Variants in PIPOX observed in about 807,000 individuals in gnomAD.
PIPOX encodes the protein pipecolic acid and sarcosine oxidase.
Under a neutral mutation model 47.9 loss-of-function variants are expected in PIPOX, and 45 were observed. The observed-to-expected ratio is 0.94, with a 90% CI of 0.74 to 1.20. PIPOX has a LOEUF of 1.20. Ranked by LOEUF, PIPOX falls within the 50% of genes most tolerant of loss-of-function variation. The probability of loss-of-function intolerance (pLI) is 0.00; values close to 1 mark genes in which losing one functional copy is unlikely to be tolerated. For missense variants in PIPOX, 458 were observed against 498.4 expected (o/e 0.92, Z 0.77); for synonymous variants, 165 against 191.3 (o/e 0.86, Z 1.13).
Position 29,054,666 on chromosome 17 carries a change from C to T in PIPOX, c.782C>T (p.Thr261Ile). Residue 261 changes from threonine to isoleucine, a missense_variant, in exon 5 of 8, where the codon ACA (threonine) becomes ATA (isoleucine). Physicochemically the swap from Thr to Ile is moderately conservative, Grantham distance 89. Transcript: ENST00000323372. ...LCPHHIYGLP[T>I]GEYPGLMKVS... is the part of the protein sequence containing the mutation. ...CCCCACCACATCTACGGACTGCCCA[C>T]AGGAGAGTACCCAGGGCTGATGAAG... 6.2e-7 allele frequency: 1 copy of T among 1,614,156 alleles called. No homozygotes were observed. The highest frequency in any genetic ancestry group is 8.5e-7 in the Non-Finnish European group (1 of 1,180,032).
At chr17:29,045,482 C>G (rs2065782265) in intron 2 of PIPOX, among the ~76,000 whole-genome samples, 1 of 129,182 alleles carries the variant, frequency 7.7e-6, no homozygotes, top group African/African-American at 2.9e-5. Context: ...GCCATCTTGG[C>G]TCACTGCAAC....
chr17:29,055,041 T>A, intron 5 of PIPOX, 22 bp from the exon 6 acceptor site: 1 of 1,613,926 alleles, frequency 6.2e-7, no homozygotes, highest in Non-Finnish European at 8.5e-7. Context: ...TCACCACTCA[T>A]GCCACTCTGA....
intron 7 of PIPOX, 28 bp downstream of exon 7, chr17:29,055,916 G>T: frequency 6.3e-7 from 1 of 1,595,878 alleles, no homozygotes; most frequent in Non-Finnish European, 8.6e-7. Flanking sequence ...GGAATGGGGT[G>T]CCTTAAAGCT....
At position 29,056,041 on chromosome 17, in the gene PIPOX, C is replaced by G. The variant is rs566527375; in HGVS notation, c.1043-134C>G. ...GCTGGGCAGTCAGAAAAGGGGTATT[C>G]ATGGTGGGAGGCCACTTCTGGCTTT... On this transcript the variant is annotated intron_variant, in intron 7 of 7. Coordinates refer to ENST00000323372, the MANE Select transcript of PIPOX (RefSeq NM_016518.3). 3 of 1,304,948 alleles carry G rather than the reference C, an allele frequency of 2.3e-6. No homozygotes were observed. The South Asian group carries it at 3.8e-5, about 16-fold the overall frequency. The allele number at this position is 1,304,948 out of a possible 1,614,324, so 80.8% of individuals were successfully genotyped here.
chr17:29,055,901 T>TG lies in PIPOX; in HGVS notation c.1042+19dup, dbSNP rs1424477709. 2.5e-6 allele frequency: 4 copies of TG among 1,610,826 alleles called. No homozygotes were observed. Among genetic ancestry groups the TG allele is most frequent in the East Asian group, 2.2e-5 (1 of 44,878 alleles). ...GCTGGATTCTCTGGTGAGTCTGAGCTGGGGGGAATGGGGTGCCTTAAAGCT... is the reference window on the plus strand; with the variant it reads ...GCTGGATTCTCTGGTGAGTCTGAGCTGGGGGGGAATGGGGTGCCTTAAAGCT... On this transcript the variant is annotated intron_variant, in intron 7 of 7. Coordinates refer to ENST00000323372, the MANE Select transcript of PIPOX (RefSeq NM_016518.3).
At chr17:29,054,787 G>A (rs996224196) in intron 5 of PIPOX, 96 bp downstream of exon 5, 10 of 1,403,886 alleles carry the variant, frequency 7.1e-6, no homozygotes, top group Admixed American at 2.0e-5. Context: ...TGGGTCTCGG[G>A]GCCAGCAGCA....
chr17:29,048,951 G>A (rs1378293702), intron 2 of PIPOX, among the ~76,000 whole-genome samples: 3 of 152,276 alleles, frequency 2.0e-5, no homozygotes, highest in Admixed American at 6.5e-5. Flanking sequence ...GCTGAAGCTT[G>A]GGATGGGAGA....
chr17:29,054,328 C>G (rs1009207102), intron 4 of PIPOX, among the ~76,000 whole-genome samples: 2 of 151,986 alleles, frequency 1.3e-5, no homozygotes, highest in Non-Finnish European at 2.9e-5. Flanking sequence ...TGGGAGAAAA[C>G]TAAGAATGGG....
chr17:29,046,701 C>T (rs2065786674), intron 2 of PIPOX: 1 of 985,304 alleles, frequency 1.0e-6, no homozygotes, highest in Non-Finnish European at 1.2e-6. Flanking sequence ...GGAGAGGGAT[C>T]CTTGGGTAGG....
intron 4 of PIPOX, 176 bp downstream of exon 4, chr17:29,053,771 G>A: frequency 6.1e-6 from 3 of 494,588 alleles, no homozygotes; most frequent in Non-Finnish European, 1.1e-5. Flanking sequence ...CTACCTCATA[G>A]GGCTGTTGGA....
chr17:29,050,096 T>C (rs2152698534), intron 2 of PIPOX, among the ~76,000 whole-genome samples: 1 of 152,070 alleles, frequency 6.6e-6, no homozygotes, highest in Middle Eastern at 3.4e-3. Flanking sequence ...TTTTCCCACA[T>C]AGTACATCCC....
rs2065779632 is a variant in PIPOX, at chr17:29,044,973, C to CA, written c.230dup (p.Leu78AlafsTer46). The CA allele has an allele frequency of 6.2e-7, 1 of 1,611,844 alleles. No homozygotes were observed. The highest frequency in any genetic ancestry group is 1.3e-5 in the African/African-American group (1 of 74,804). On this transcript the variant is annotated frameshift_variant, in exon 2 of 8. Transcript: ENST00000323372. LOFTEE classifies it high-confidence loss of function. ...GCATGAGTGCTATCAGATATGGGCC[C>CA]AGCTGGAGCACGAGGCTGGAACCCA...
rs764185308 is a variant in PIPOX at position 29,055,220 on chromosome 17, C to T, written c.965C>T (p.Thr322Met). The T allele has an allele frequency of 2.3e-5, 37 of 1,614,028 alleles. No individual in the cohort carries two copies. The highest frequency in any genetic ancestry group is 3.3e-5 in the Admixed American group (2 of 60,002). The change falls in exon 6 of 8, where the codon ACG (threonine) becomes ATG (methionine). Residue 322 changes from threonine (T) to methionine (M), a missense_variant and splice_region_variant. By Grantham distance (81) the Thr-to-Met change is moderately conservative. Coordinates refer to ENST00000323372, the MANE Select transcript of PIPOX (RefSeq NM_016518.3). ...GCTGTCATTGAGAGCTGCATGTACA[C>T]GGTAAGGGGTCTGGGCAGCCTTGCT... ...EPAVIESCMY[T>M]NTPDEQFILD...
At chr17:29,044,808 G>A (rs1351655240) in intron 1 of PIPOX, 51 bp from the exon 2 acceptor site, 2 of 1,554,502 alleles carry the variant, frequency 1.3e-6, no homozygotes, top group African/African-American at 1.4e-5. Flanking sequence ...AACAGGGGAT[G>A]CAGTGTGAGG....
intron 2 of PIPOX, 150 bp downstream of exon 2, chr17:29,045,157 G>A (rs897162042): frequency 1.1e-6 from 1 of 894,864 alleles, no homozygotes; most frequent in Admixed American, 3.2e-5. Context: ...GAGTTCTGCT[G>A]TCATGGTGGT....
At chr17:29,055,721 G>T (rs1349222263) in intron 6 of PIPOX, 92 bp from the exon 7 acceptor site, 5 of 1,103,560 alleles carry the variant, frequency 4.5e-6, no homozygotes, top group Non-Finnish European at 7.0e-6. Flanking sequence ...TTTCTGGAAA[G>T]AAATCCAGCC....
chr17:29,047,961 C>T (rs763953759), intron 2 of PIPOX, among the ~76,000 whole-genome samples: 10 of 150,666 alleles, frequency 6.6e-5, no homozygotes, highest in Admixed American at 1.3e-4. Context: ...GCCCCAGTTA[C>T]GAAAAATGAA....
chr17:29,052,780 G>A (rs749238154), intron 2 of PIPOX, 140 bp from the exon 3 acceptor site: 5 of 703,816 alleles, frequency 7.1e-6, no homozygotes, highest in Non-Finnish European at 2.5e-6. Flanking sequence ...TATTGCCCAG[G>A]CTGCTAGTGA....
At chr17:29,049,811 C>T (rs7211084) in intron 2 of PIPOX, among the ~76,000 whole-genome samples, 4,509 of 152,308 alleles carry the variant, frequency 0.03, 86 homozygotes, top group Non-Finnish European at 0.037. Context: ...AACACATCTT[C>T]GGACTAGGGG....
Sources: gnomAD v4.1 joint callset for allele counts (sites outside exome capture counted in the v4.1 genomes callset) on GRCh38, gnomAD v4.1.1 for gene constraint, MANE v1.5 for transcripts, NCBI Gene and HGNC (gene_info 2026-07-23, HGNC 2026-07-21) for gene names.